Variants in CERKL observed in about 807,000 individuals in gnomAD.
CERKL encodes CERK like autophagy regulator.
CERKL carries 61 observed loss-of-function variants against 63.4 expected under a neutral mutation model. That is an observed-to-expected ratio of 0.96 (90% CI 0.78 to 1.19). CERKL has a LOEUF of 1.19. Among genes scored for constraint, CERKL ranks in the 50% most tolerant of loss-of-function variants. The probability of loss-of-function intolerance (pLI) is 0.00; values close to 1 mark genes in which losing one functional copy is unlikely to be tolerated. For missense variants in CERKL, 675 were observed against 655.5 expected, an observed-to-expected ratio of 1.03 and a Z score of -0.33; for synonymous variants, 250 against 230.5, an observed-to-expected ratio of 1.08 and a Z score of -0.77.
At chr2:181,655,868 TC>T (rs1409607689) in intron 1 of CERKL, among the ~76,000 whole-genome samples, 1 of 152,222 alleles carries the variant, frequency 6.6e-6, no homozygotes, top group African/African-American at 2.4e-5. Context: ...CATCTGTCTT[TC>T]ACCGCTCACA....
At chr2:181,611,615 C>G (rs112242083) in intron 1 of CERKL, among the ~76,000 whole-genome samples, 342 of 152,176 alleles carry the variant, frequency 2.2e-3, no homozygotes, top group African/African-American at 7.6e-3. Context: ...AGCCCAGGAC[C>G]TCCAGCCTCC....
intron 11 of CERKL, among the ~76,000 whole-genome samples, chr2:181,543,520 T>C (rs1687597090): frequency 6.6e-6 from 1 of 152,186 alleles, no homozygotes; most frequent in African/African-American, 2.4e-5. Flanking sequence ...CAGATCAAAC[T>C]TCATGAAGAT....
At chr2:181,641,506 G>A (rs1475383252) in intron 1 of CERKL, among the ~76,000 whole-genome samples, 1 of 151,800 alleles carries the variant, frequency 6.6e-6, no homozygotes, top group Non-Finnish European at 1.5e-5. Flanking sequence ...TATGTTAAAG[G>A]ACTCTGCCAC....
chr2:181,650,369 G>C (rs1687876309), intron 1 of CERKL, among the ~76,000 whole-genome samples: 1 of 152,182 alleles, frequency 6.6e-6, no homozygotes, highest in Non-Finnish European at 1.5e-5. Context: ...GCAGTTTTAA[G>C]AGGTAAGTTT....
chr2:181,606,694 C>T (rs1453255145), intron 1 of CERKL, among the ~76,000 whole-genome samples: 1 of 151,992 alleles, frequency 6.6e-6, no homozygotes. Context: ...TTCAGTTCTT[C>T]TCCTGGTCCA....
intron 5 of CERKL, among the ~76,000 whole-genome samples, chr2:181,557,126 G>T (rs1688247052): frequency 6.6e-6 from 1 of 152,100 alleles, no homozygotes; most frequent in African/African-American, 2.4e-5. Context: ...GTTCTTTGTA[G>T]ATTCAGGATA....
intron 5 of CERKL, among the ~76,000 whole-genome samples, chr2:181,553,829 G>A (rs777372630): frequency 5.9e-5 from 9 of 152,096 alleles, no homozygotes; most frequent in Non-Finnish European, 1.0e-4. Context: ...ACGATAGCTT[G>A]TTCTATATTT....
intron 1 of CERKL, among the ~76,000 whole-genome samples, chr2:181,625,115 A>C (rs1559111989): frequency 6.6e-6 from 1 of 152,192 alleles, no homozygotes; most frequent in Non-Finnish European, 1.5e-5. Flanking sequence ...GAGACTGGGA[A>C]AAAGCAGCCC....
At chr2:181,559,985 C>T (rs968240380) in intron 4 of CERKL, among the ~76,000 whole-genome samples, 3 of 152,090 alleles carry the variant, frequency 2.0e-5, no homozygotes, top group Admixed American at 1.3e-4. Flanking sequence ...TCCAGAGGTT[C>T]GCAATATGAC....
At chr2:181,556,611 T>C (rs1241897165) in intron 5 of CERKL, among the ~76,000 whole-genome samples, 2 of 152,208 alleles carry the variant, frequency 1.3e-5, no homozygotes, top group African/African-American at 2.4e-5. Context: ...CCATGGTGTA[T>C]ATATGCCACA....
Position 181,558,198 on chromosome 2 carries a change from G to A in CERKL, c.820+368C>T, listed in dbSNP as rs1383424721. Among the ~76,000 whole-genome samples, 2 of 152,116 alleles carry A rather than the reference G, an allele frequency of 1.3e-5. No individual in the cohort carries two copies. The highest frequency in any genetic ancestry group is 2.4e-5 in the African/African-American group (1 of 41,420). ...TAAGCAGCTAGACTGGAGTGGCCCT[G>A]TTTTGAAACTTCTTACCTGGTACTG... is the stretch of plus-strand genomic sequence containing the variant. On this transcript the variant is annotated intron_variant, in intron 5 of 12. Transcript: ENST00000410087. This position sits in a 1 kb window ranked among gnomAD's most constrained non-coding sequence, Gnocchi z 4.2.
chr2:181,621,188 T>A (rs1376202497), intron 1 of CERKL, among the ~76,000 whole-genome samples: 1 of 152,194 alleles, frequency 6.6e-6, no homozygotes, highest in East Asian at 1.9e-4. Flanking sequence ...TACAAGGAAA[T>A]TACTTATAAA....
At chr2:181,555,060 C>T (rs768909470) in intron 5 of CERKL, among the ~76,000 whole-genome samples, 20 of 152,096 alleles carry the variant, frequency 1.3e-4, no homozygotes, top group Admixed American at 2.0e-4. Context: ...AAATACTCTT[C>T]AAAATTATAA....
chr2:181,646,490 A>G (rs1687678190), intron 1 of CERKL, among the ~76,000 whole-genome samples: 1 of 152,222 alleles, frequency 6.6e-6, no homozygotes, highest in African/African-American at 2.4e-5. Context: ...TAGTCTACGG[A>G]GCAAGGAAAG....
chr2:181,566,130 A>G lies in CERKL; in HGVS notation c.614-9T>C, dbSNP rs1389163771. On this transcript the variant is annotated splice_polypyrimidine_tract_variant and intron_variant, in intron 3 of 12. Transcript: ENST00000410087. Reference sequence around the variant, plus strand: ...CCCTTCATATTCCATTACTATTAAAAAAACACACACACATACACAAAGTGA... The same window carrying G: ...CCCTTCATATTCCATTACTATTAAAGAAACACACACACATACACAAAGTGA... 6.2e-7 allele frequency: 1 copy of G among 1,605,882 alleles called. No homozygotes were observed. Among genetic ancestry groups the G allele is most frequent in the African/African-American group, 1.3e-5 (1 of 74,756 alleles).
At position 181,573,815 on chromosome 2, in the gene CERKL, TG is replaced by T. The variant is rs1689011502; in HGVS notation, c.550del (p.Gln184ArgfsTer11). The T allele has an allele frequency of 1.9e-6, 3 of 1,612,326 alleles. No homozygotes were observed. Among genetic ancestry groups the T allele is most frequent in the East Asian group, 4.5e-5 (2 of 44,704 alleles). ...AGGTTCAACCTTCTCATAATAAACC[TG>T]GGTAGCTTCTTTTTTGTGACTTTGG... ...NPQSHKKEAT[Q>X]VYYEKVEPLL... On this transcript the variant is annotated frameshift_variant, in exon 3 of 13. Transcript: ENST00000410087. LOFTEE classifies it high-confidence loss of function.
At chr2:181,643,191 G>A (rs1402366850) in intron 1 of CERKL, among the ~76,000 whole-genome samples, 3 of 152,160 alleles carry the variant, frequency 2.0e-5, no homozygotes, top group Non-Finnish European at 2.9e-5. Context: ...ATAGAAATAG[G>A]TATTTTCTTT....
In CERKL at chr2:181,595,420, T is replaced by C. The variant is rs112721832; in HGVS notation, c.481+8417A>G. 9.6e-3 allele frequency among the ~76,000 whole-genome samples: 1,464 copies of C among 152,314 alleles called. 25 individuals carry two copies. Among genetic ancestry groups the C allele is most frequent in the African/African-American group, 0.03 (1,253 of 41,582 alleles). ...AATCATCATGATTAGAAAAGAACAC[T>C]AGAGCGGGACAACTTTCAAACAAGA... On this transcript the variant is annotated intron_variant, in intron 2 of 12. Coordinates refer to ENST00000410087, the MANE Select transcript of CERKL (RefSeq NM_201548.5).
intron 2 of CERKL, among the ~76,000 whole-genome samples, chr2:181,574,695 C>T (rs538259968): frequency 1.1e-4 from 17 of 152,068 alleles, no homozygotes; most frequent in Admixed American, 2.6e-4. Flanking sequence ...GTTTCTTTTA[C>T]GGTAAGCTGC....
Sources: allele counts gnomAD v4.1 joint callset (sites outside exome capture counted in the v4.1 genomes callset), GRCh38; gene constraint gnomAD v4.1.1; non-coding constraint Gnocchi (gnomAD v3.1); transcripts MANE v1.5; gene names NCBI Gene and HGNC (gene_info 2026-07-23, HGNC 2026-07-21).